Variants in TYW1 observed in about 807,000 individuals in gnomAD.
TYW1 encodes the protein tRNA-yW synthesizing protein 1 homolog, also known as S-adenosyl-L-methionine-dependent tRNA 4-demethylwyosine synthase TYW1.
Under a neutral mutation model 96.2 loss-of-function variants are expected in TYW1, and 46 were observed. The observed-to-expected ratio is 0.48, with a 90% confidence interval of 0.38 to 0.61. TYW1 has a LOEUF of 0.61. Among genes scored for constraint, TYW1 ranks in the 20% least tolerant of loss-of-function variants. The probability of loss-of-function intolerance (pLI) is 0.00; values close to 1 mark genes in which losing one functional copy is unlikely to be tolerated. For missense variants in TYW1, 684 were observed against 909.6 expected (o/e 0.75, Z 3.19); for synonymous variants, 274 against 323.0 (o/e 0.85, Z 1.63).
rs540151772 is a variant in TYW1 at position 67,194,215 on chromosome 7, A to C, written c.1810-955A>C. ...AAGAATTTCTGTGTTGGTGAAATAC[A>C]TGTGTATATGTAGTTGTGTGTAAAG... On this transcript the variant is annotated intron_variant, in intron 14 of 15. Transcript: ENST00000359626. Among the ~76,000 whole-genome samples, 5 of 152,256 alleles carry C rather than the reference A, an allele frequency of 3.3e-5. No homozygotes were observed. The East Asian group carries it at 9.6e-4, about 29-fold the overall frequency.
At chr7:67,126,888 C>A in intron 13 of TYW1, among the ~76,000 whole-genome samples, 1 of 152,128 alleles carries the variant, frequency 6.6e-6, no homozygotes. Context: ...GTTGGATTAA[C>A]ATCTACTGTA....
At chr7:67,177,677 C>T (rs1799715989) in intron 13 of TYW1, among the ~76,000 whole-genome samples, 2 of 152,206 alleles carry the variant, frequency 1.3e-5, no homozygotes, top group Admixed American at 1.3e-4. Flanking sequence ...AAACTAGCAA[C>T]ACTAAGTGTT....
chr7:67,075,638 A>G (rs1452506884), intron 10 of TYW1, among the ~76,000 whole-genome samples: 1 of 152,242 alleles, frequency 6.6e-6, no homozygotes, highest in East Asian at 1.9e-4. Context: ...CTGCATCTAT[A>G]GTAAGATTGC....
intron 12 of TYW1, among the ~76,000 whole-genome samples, chr7:67,108,600 C>G (rs62468380): frequency 0.04 from 6,063 of 151,862 alleles, 172 homozygotes; most frequent in Middle Eastern, 0.096. Flanking sequence ...CGCCACCACA[C>G]CGGCTAATTT....
At chr7:67,130,852 C>T (rs1011734727) in intron 13 of TYW1, among the ~76,000 whole-genome samples, 5 of 152,124 alleles carry the variant, frequency 3.3e-5, no homozygotes, top group East Asian at 1.9e-4. Flanking sequence ...GTGAAGGGTA[C>T]TTGTGCTTTC....
At chr7:67,065,279 A>G (rs1795821810) in intron 9 of TYW1, among the ~76,000 whole-genome samples, 1 of 152,142 alleles carries the variant, frequency 6.6e-6, no homozygotes, top group African/African-American at 2.4e-5. Context: ...ACTTAACCTT[A>G]AATACCTCAT....
chr7:67,061,868 G>A (rs1584514208), intron 9 of TYW1, among the ~76,000 whole-genome samples: 1 of 152,086 alleles, frequency 6.6e-6, no homozygotes, highest in African/African-American at 2.4e-5. Context: ...AAATCTGTAA[G>A]ACAAAATATT....
Position 67,095,698 on chromosome 7 carries a change from ACAG to A in TYW1, c.1385-2823_1385-2821del, listed in dbSNP as rs1307959075. Among the ~76,000 whole-genome samples the A allele has an allele frequency of 4.3e-3, 441 of 102,450 alleles. 7 individuals carry two copies. The highest frequency in any genetic ancestry group is 0.017 in the African/African-American group (402 of 23,648). 67.2% of individuals were successfully genotyped at this position (102,450 alleles called of 152,430 possible). A position where few individuals can be genotyped will look rare whatever the true frequency, so the allele number is the denominator to read the frequency against. ...AACAACAACAACAACAACAACAACA[ACAG>A]CAGCAGCAGCAGCAGCAGCCCCTAT... On this transcript the variant is annotated intron_variant, in intron 11 of 15. Transcript: ENST00000359626.
At chr7:67,019,663 AT>A (rs1193473666) in intron 6 of TYW1, among the ~76,000 whole-genome samples, 11 of 152,272 alleles carry the variant, frequency 7.2e-5, no homozygotes, top group African/African-American at 2.7e-4. Context: ...TAAAGAGTTT[AT>A]TTGAGCCAAA....
chr7:67,002,537 GATT>G (rs1437216604), intron 3 of TYW1, among the ~76,000 whole-genome samples: 1 of 152,182 alleles, frequency 6.6e-6, no homozygotes, highest in Non-Finnish European at 1.5e-5. Context: ...TAGATGACTT[GATT>G]ATTTTGTTTC....
intron 12 of TYW1, 150 bp from the exon 13 acceptor site, chr7:67,117,333 C>A (rs1797625748): frequency 1.3e-6 from 1 of 798,218 alleles, no homozygotes; most frequent in South Asian, 3.7e-5. Flanking sequence ...TGATTAAAAT[C>A]ATTAGTTCAG....
In TYW1 at chr7:67,026,261, C is replaced by T. The variant is rs561264313; in HGVS notation, c.984+1239C>T. On this transcript the variant is annotated intron_variant, in intron 7 of 15. Coordinates refer to ENST00000359626, the MANE Select transcript of TYW1 (RefSeq NM_018264.4). ...CTAATTTTTGTATTTTTAGTAGAGA[C>T]GGGATTTCACCATGTTGGCCAGGCT... 2.2e-4 allele frequency among the ~76,000 whole-genome samples: 34 copies of T among 152,070 alleles called. No individual in the cohort carries two copies. The South Asian group carries it at 5.6e-3, about 25-fold the overall frequency.
intron 12 of TYW1, among the ~76,000 whole-genome samples, chr7:67,110,147 C>T (rs1245324334): frequency 2.0e-5 from 3 of 152,086 alleles, no homozygotes; most frequent in African/African-American, 4.8e-5. Flanking sequence ...TTCACAAAGC[C>T]GCCTCATGTG....
chr7:67,050,413 G>C (rs1223263722), intron 8 of TYW1, among the ~76,000 whole-genome samples: 1 of 152,146 alleles, frequency 6.6e-6, no homozygotes, highest in Non-Finnish European at 1.5e-5. Context: ...CTGGGTTTTT[G>C]TGGTCTTACC....
chr7:67,156,309 G>T (rs1584630861), intron 13 of TYW1, among the ~76,000 whole-genome samples: 1 of 152,226 alleles, frequency 6.6e-6, no homozygotes, highest in Non-Finnish European at 1.5e-5. Flanking sequence ...TGGGAGACAC[G>T]CAGGTGGTGA....
intron 15 of TYW1, among the ~76,000 whole-genome samples, chr7:67,197,952 TA>T (rs1800456319): frequency 6.4e-5 from 8 of 125,962 alleles, no homozygotes; most frequent in African/African-American, 1.9e-4. Context: ...CTCCCTTCCC[TA>T]CCCCTGCCCC....
At chr7:67,224,890 C>T (rs1801508478) in intron 15 of TYW1, among the ~76,000 whole-genome samples, 1 of 152,010 alleles carries the variant, frequency 6.6e-6, no homozygotes, top group Non-Finnish European at 1.5e-5. Flanking sequence ...GAAACTGAGG[C>T]TTAAATGAGT....
In TYW1 at chr7:67,238,331, G is replaced by A. The variant is rs779451939; in HGVS notation, c.2001G>A (p.Trp667Ter). 1.2e-6 allele frequency: 2 copies of A among 1,611,438 alleles called. No individual in the cohort carries two copies. The highest frequency in any genetic ancestry group is 1.7e-6 in the Non-Finnish European group (2 of 1,178,174). The change falls in exon 16 of 16, where the codon TGG (tryptophan) becomes TGA (stop). Residue 667 changes from tryptophan to a stop codon, truncating the protein, a stop_gained. Transcript: ENST00000359626. LOFTEE classifies it high-confidence loss of function. ...AGTTTAAAATTGGTGGTGAATGGTG[G>A]ACATGGATCGATTATAACCGCTTCC... ...HRKFKIGGEW[W>*]TWIDYNRFQE... is the part of the protein sequence containing the mutation.
rs1423258867 is a variant in TYW1 at position 67,136,693 on chromosome 7, A to G, written c.1698+19075A>G. ...TGTGTGTGTGTGTGTGTGTATATAT[A>G]TATATGCTGACATCACTATATTAGG... is the stretch of plus-strand genomic sequence containing the variant. On this transcript the variant is annotated intron_variant, in intron 13 of 15. Coordinates refer to ENST00000359626, the MANE Select transcript of TYW1 (RefSeq NM_018264.4). 2.7e-3 allele frequency among the ~76,000 whole-genome samples: 411 copies of G among 150,758 alleles called. 3 individuals are homozygous for G. The highest frequency in any genetic ancestry group is 9.4e-3 in the African/African-American group (383 of 40,862).
Sources: allele counts gnomAD v4.1 joint callset (sites outside exome capture counted in the v4.1 genomes callset), GRCh38; gene constraint gnomAD v4.1.1; transcripts MANE v1.5; gene names NCBI Gene and HGNC (gene_info 2026-07-23, HGNC 2026-07-21).